Variants in HTR1F observed in about 807,000 individuals in gnomAD.
HTR1F encodes 5-hydroxytryptamine receptor 1F, also known as 5-hydroxytryptamine (serotonin) receptor 1F, G protein-coupled.
HTR1F carries 17 observed loss-of-function variants against 24.0 expected under a neutral mutation model. That is an observed-to-expected ratio of 0.71 (90% CI 0.48 to 1.06). The LOEUF is 1.06. HTR1F is among the 50% of genes least tolerant of loss of function. The probability of loss-of-function intolerance (pLI) is 0.00; values close to 1 mark genes in which losing one functional copy is unlikely to be tolerated. For missense variants in HTR1F, 391 were observed against 427.8 expected (o/e 0.91, Z 0.76); for synonymous variants, 186 against 156.8 (o/e 1.19, Z -1.39).
intron 1 of HTR1F, among the ~76,000 whole-genome samples, chr3:87,802,377 G>C (rs1470514366): frequency 1.6e-5 from 2 of 121,358 alleles, no homozygotes; most frequent in Non-Finnish European, 3.3e-5. Context: ...GTCTTGTTTT[G>C]TCATCCAGGC....
chr3:87,976,868 T>C (rs557166076), intron 2 of HTR1F, among the ~76,000 whole-genome samples: 1 of 152,332 alleles, frequency 6.6e-6, no homozygotes, highest in South Asian at 2.1e-4. Context: ...ACTTACATAA[T>C]ACATTATTAT....
intron 1 of HTR1F, among the ~76,000 whole-genome samples, chr3:87,801,314 G>A (rs1317458844): frequency 1.3e-5 from 2 of 152,084 alleles, no homozygotes; most frequent in Non-Finnish European, 2.9e-5. Context: ...CAGTGTAGTA[G>A]CACACTTATA....
intron 2 of HTR1F, among the ~76,000 whole-genome samples, chr3:87,830,919 G>C (rs1205022305): frequency 1.3e-5 from 2 of 152,144 alleles, no homozygotes; most frequent in Non-Finnish European, 1.5e-5. Context: ...CACATGTATT[G>C]ATATTTGAAG....
At chr3:87,833,014 G>C (rs1376819213) in intron 2 of HTR1F, among the ~76,000 whole-genome samples, 1 of 152,142 alleles carries the variant, frequency 6.6e-6, no homozygotes, top group East Asian at 1.9e-4. Flanking sequence ...AAGGTCTGAG[G>C]GTCTTAACAA....
intron 2 of HTR1F, among the ~76,000 whole-genome samples, chr3:87,830,847 T>G (rs1704559135): frequency 6.6e-6 from 1 of 152,176 alleles, no homozygotes; most frequent in Non-Finnish European, 1.5e-5. Flanking sequence ...AGTTCCTGGG[T>G]GAAAATCAGT....
At chr3:87,858,171 T>G (rs748969490) in intron 2 of HTR1F, among the ~76,000 whole-genome samples, 10 of 152,192 alleles carry the variant, frequency 6.6e-5, no homozygotes, top group Non-Finnish European at 1.3e-4. Flanking sequence ...GTTTATGGCT[T>G]GATAAATACT....
At chr3:87,817,695 G>A (rs546816023) in intron 1 of HTR1F, among the ~76,000 whole-genome samples, 173 of 152,270 alleles carry the variant, frequency 1.1e-3, no homozygotes, top group African/African-American at 4.0e-3. Flanking sequence ...GCTGTTGTGA[G>A]CAATCTTTTA....
rs186619086 is a variant in HTR1F, at chr3:87,953,457, A to C, written c.-42-37251A>C. ...GGTATATGAAAAACTGCTAAACTTT[A>C]CTAATCATGAGGGAAATGCAAGTCA... is the stretch of plus-strand genomic sequence containing the variant. On this transcript the variant is annotated intron_variant, in intron 2 of 2. Transcript: ENST00000319595. Among the ~76,000 whole-genome samples, 11 of 151,848 alleles carry C rather than the reference A, an allele frequency of 7.2e-5. No individual in the cohort carries two copies. The East Asian group carries it at 1.9e-3, about 27-fold the overall frequency.
intron 2 of HTR1F, among the ~76,000 whole-genome samples, chr3:87,906,001 G>A (rs1428978051): frequency 6.6e-6 from 1 of 152,020 alleles, no homozygotes; most frequent in Non-Finnish European, 1.5e-5. Context: ...TCAATTTCTT[G>A]ACCTGGATGA....
intron 1 of HTR1F, among the ~76,000 whole-genome samples, chr3:87,812,463 G>C (rs1257575437): frequency 1.3e-5 from 2 of 152,202 alleles, no homozygotes; most frequent in East Asian, 3.9e-4. Flanking sequence ...CTTTGAATTT[G>C]AGAGAGAGGA....
At chr3:87,961,864 G>A (rs1705069128) in intron 2 of HTR1F, among the ~76,000 whole-genome samples, 1 of 151,142 alleles carries the variant, frequency 6.6e-6, no homozygotes, top group Admixed American at 6.6e-5. Context: ...AATGTGTAAG[G>A]GTTGTCAGAT....
chr3:87,842,045 A>G (rs1300374908), intron 2 of HTR1F, among the ~76,000 whole-genome samples: 3 of 151,760 alleles, frequency 2.0e-5, no homozygotes, highest in Non-Finnish European at 4.4e-5. Flanking sequence ...AAAGTTGATT[A>G]GATTGGAAAA....
intron 2 of HTR1F, among the ~76,000 whole-genome samples, chr3:87,869,658 C>T (rs1705512780): frequency 6.6e-6 from 1 of 152,046 alleles, no homozygotes; most frequent in Non-Finnish European, 1.5e-5. Flanking sequence ...AGAATCAAGA[C>T]ACAAGAAAAA....
At chr3:87,953,964 C>T (rs1377029579) in intron 2 of HTR1F, among the ~76,000 whole-genome samples, 2 of 151,582 alleles carry the variant, frequency 1.3e-5, no homozygotes, top group African/African-American at 4.8e-5. Context: ...TTCTAACTTA[C>T]ATGTGGAAGT....
At chr3:87,880,095 C>T (rs73147265) in intron 2 of HTR1F, among the ~76,000 whole-genome samples, 11,294 of 152,018 alleles carry the variant, frequency 0.074, 503 homozygotes, top group Middle Eastern at 0.11. Flanking sequence ...GACTGTGATT[C>T]GGTATACAAA....
intron 2 of HTR1F, among the ~76,000 whole-genome samples, chr3:87,846,216 T>A (rs1276663354): frequency 6.6e-6 from 1 of 152,036 alleles, no homozygotes; most frequent in Non-Finnish European, 1.5e-5. Context: ...GTGGATCACC[T>A]GAGGCCAGCA....
chr3:87,811,036 A>G (rs1181833580), intron 1 of HTR1F, among the ~76,000 whole-genome samples: 1 of 152,208 alleles, frequency 6.6e-6, no homozygotes, highest in Admixed American at 6.5e-5. Flanking sequence ...TATAGTAAGT[A>G]CTAGTAAGTA....
intron 2 of HTR1F, among the ~76,000 whole-genome samples, chr3:87,987,861 T>C (rs187187099): frequency 0.024 from 3,488 of 146,150 alleles, 67 homozygotes; most frequent in Non-Finnish European, 0.035. Context: ...ATATGTATTT[T>C]ATATATATAT....
chr3:87,971,259 C>A (rs988748717), intron 2 of HTR1F, among the ~76,000 whole-genome samples: 4 of 152,090 alleles, frequency 2.6e-5, no homozygotes, highest in Non-Finnish European at 5.9e-5. Context: ...TCGTTTCAGT[C>A]TTTTATTTTT....
Sources: allele counts gnomAD v4.1 joint callset (sites outside exome capture counted in the v4.1 genomes callset), GRCh38; gene constraint gnomAD v4.1.1; transcripts MANE v1.5; gene names NCBI Gene and HGNC (gene_info 2026-07-23, HGNC 2026-07-21).